Variants in SLC26A8 observed in about 807,000 individuals in gnomAD.
SLC26A8 encodes testis anion transporter 1.
A neutral mutation model predicts 105.0 loss-of-function variants in SLC26A8; 70 were observed. The observed-to-expected ratio is 0.67, with a 90% CI of 0.55 to 0.81. The LOEUF (loss-of-function observed/expected upper bound fraction) is 0.81, where lower values mean the gene tolerates loss of function less well. Ranked by LOEUF, SLC26A8 falls within the 40% of genes least tolerant of loss-of-function variation. The pLI, the probability that SLC26A8 is intolerant of heterozygous loss-of-function variation, is 0.00. For synonymous variants in SLC26A8, 415 were observed against 438.3 expected, an observed-to-expected ratio of 0.95 and a Z score of 0.66; for missense variants, 998 against 1,181.8, an observed-to-expected ratio of 0.84 and a Z score of 2.28.
intron 16 of SLC26A8, among the ~76,000 whole-genome samples, chr6:35,956,280 C>A (rs1772056582): frequency 1.3e-5 from 2 of 150,972 alleles, no homozygotes; most frequent in Non-Finnish European, 1.5e-5. Context: ...CCTGCCCCCT[C>A]CCCAAAAAAA....
At chr6:35,987,902 C>T (rs1030030080) in intron 7 of SLC26A8, among the ~76,000 whole-genome samples, 6 of 131,158 alleles carry the variant, frequency 4.6e-5, no homozygotes, top group African/African-American at 1.7e-4. Flanking sequence ...AATTCAGCAA[C>T]CTTTCTTTCT....
intron 3 of SLC26A8, among the ~76,000 whole-genome samples, chr6:36,006,846 A>G (rs920999759): frequency 9.2e-5 from 14 of 152,240 alleles, no homozygotes; most frequent in African/African-American, 3.4e-4. Context: ...CAAAAAAATC[A>G]ATTAATGTAA....
At chr6:35,976,394 AG>A (rs1235602634) in intron 9 of SLC26A8, among the ~76,000 whole-genome samples, 1 of 151,624 alleles carries the variant, frequency 6.6e-6, no homozygotes, top group Non-Finnish European at 1.5e-5. Context: ...ATTGCACTCC[AG>A]CATGGGTAAC....
chr6:35,962,579 G>T lies in SLC26A8; in HGVS notation c.1408C>A (p.Leu470Ile). Residue 470 changes from leucine (L) to isoleucine (I), a missense_variant, in exon 12 of 20, where the codon CTT (leucine) becomes ATT (isoleucine). Leu to Ile is a conservative substitution (Grantham distance 5, BLOSUM62 2). Transcript: ENST00000490799. ...CTGGGTAGGTTAGAAATGGTTTCAA[G>T]GTAGGGAATGACGTTGCTCAGAATA... ...GIILSNVIPY[L>I]ETISNLPSLW... 2 of 1,614,148 alleles carry T rather than the reference G, an allele frequency of 1.2e-6. No homozygotes were observed. The highest frequency in any genetic ancestry group is 1.7e-6 in the Non-Finnish European group (2 of 1,180,034).
chr6:35,948,134 A>G (rs1276307380), intron 19 of SLC26A8, among the ~76,000 whole-genome samples: 1 of 152,222 alleles, frequency 6.6e-6, no homozygotes, highest in Admixed American at 6.5e-5. Context: ...GATTATTTCA[A>G]TAAGATTTGT....
chr6:35,953,246 A>C (rs1186235646), intron 17 of SLC26A8, among the ~76,000 whole-genome samples: 1 of 152,194 alleles, frequency 6.6e-6, no homozygotes, highest in Non-Finnish European at 1.5e-5. Context: ...GAAAGTCATC[A>C]ACATGGGCCA....
rs563051962 is a variant in SLC26A8 at position 35,980,560 on chromosome 6, A to G, written c.1025+1561T>C. Among the ~76,000 whole-genome samples, 9 of 152,226 alleles carry G rather than the reference A, an allele frequency of 5.9e-5. No homozygotes were observed. The East Asian group carries it at 1.7e-3, about 29-fold the overall frequency. ...CTTGTTATTATTTTTTTTCCTGAGG[A>G]CAGAGATCGTGTCTTGCTTATCTTT... On this transcript the variant is annotated intron_variant, in intron 8 of 19. Coordinates refer to ENST00000490799, the MANE Select transcript of SLC26A8 (RefSeq NM_052961.4).
At chr6:35,995,480 A>G (rs1206332798) in intron 5 of SLC26A8, among the ~76,000 whole-genome samples, 1 of 152,150 alleles carries the variant, frequency 6.6e-6, no homozygotes, top group Non-Finnish European at 1.5e-5. Context: ...AAACTCTTAT[A>G]TGAATATTAT....
At chr6:35,993,188 G>T (rs1227301293) in intron 5 of SLC26A8, among the ~76,000 whole-genome samples, 1 of 100,610 alleles carries the variant, frequency 9.9e-6, no homozygotes, top group Non-Finnish European at 2.1e-5. Context: ...ATAGAGATTG[G>T]AGGGGGGGGT....
Position 35,951,480 on chromosome 6 carries a change from T to C in SLC26A8, c.2252A>G (p.Asn751Ser). Residue 751 changes from asparagine to serine, a missense_variant, in exon 18 of 20, where the codon AAC (asparagine) becomes AGC (serine). Transcript: ENST00000490799. Reference protein sequence around the residue: ...VLRQICNAFQNANILILIAGC... With the variant: ...VLRQICNAFQSANILILIAGC... ...TGCAATGAGTATCAAAATGTTGGCGTTTTGAAAGGCATTGCATATCTGTGG... is the reference window on the plus strand; with the variant it reads ...TGCAATGAGTATCAAAATGTTGGCGCTTTGAAAGGCATTGCATATCTGTGG... 3 of 1,614,092 alleles carry C rather than the reference T, an allele frequency of 1.9e-6. No individual in the cohort carries two copies. The highest frequency in any genetic ancestry group is 1.3e-5 in the African/African-American group (1 of 75,008).
intron 1 of SLC26A8, among the ~76,000 whole-genome samples, chr6:36,019,971 G>C (rs1482879704): frequency 6.6e-6 from 1 of 152,188 alleles, no homozygotes; most frequent in African/African-American, 2.4e-5. Flanking sequence ...CAGGTGTCCT[G>C]CTGGGAGGCC....
At chr6:35,945,936 C>A (rs777223138) in intron 19 of SLC26A8, among the ~76,000 whole-genome samples, 2 of 152,122 alleles carry the variant, frequency 1.3e-5, no homozygotes, top group Non-Finnish European at 2.9e-5. Context: ...ATATGACACT[C>A]TTCTGCTTTT....
intron 19 of SLC26A8, among the ~76,000 whole-genome samples, chr6:35,949,862 G>A: frequency 6.6e-6 from 1 of 151,678 alleles, no homozygotes; most frequent in Non-Finnish European, 1.5e-5. Context: ...CTGGAGTGCA[G>A]TGGCGCGATC....
intron 7 of SLC26A8, among the ~76,000 whole-genome samples, chr6:35,988,895 C>T (rs1172999986): frequency 7.1e-6 from 1 of 141,118 alleles, no homozygotes; most frequent in Non-Finnish European, 1.5e-5. Flanking sequence ...GGCTGGAGTA[C>T]AGTGGTGCAA....
At chr6:35,984,874 G>A (rs1340391996) in intron 7 of SLC26A8, among the ~76,000 whole-genome samples, 1 of 152,182 alleles carries the variant, frequency 6.6e-6, no homozygotes, top group East Asian at 1.9e-4. Context: ...GCAGGGGTCA[G>A]ACATACGTCA....
chr6:35,952,608 C>T (rs888784279), intron 17 of SLC26A8, among the ~76,000 whole-genome samples: 2 of 152,152 alleles, frequency 1.3e-5, no homozygotes, highest in South Asian at 2.1e-4. Flanking sequence ...TATGGCAAAT[C>T]ACAAAGTCAT....
At chr6:35,961,885 T>C (rs1462495797) in intron 12 of SLC26A8, among the ~76,000 whole-genome samples, 4 of 152,208 alleles carry the variant, frequency 2.6e-5, no homozygotes, top group Non-Finnish European at 4.4e-5. Context: ...CCTTCCCTTA[T>C]TGGGATTGGA....
intron 3 of SLC26A8, among the ~76,000 whole-genome samples, chr6:36,008,887 T>C (rs1031368571): frequency 6.6e-6 from 1 of 152,200 alleles, no homozygotes; most frequent in Non-Finnish European, 1.5e-5. Context: ...TTGGTGAGGA[T>C]ACAGAGCAAC....
chr6:35,973,838 T>A (rs554443467), intron 10 of SLC26A8, among the ~76,000 whole-genome samples: 1 of 152,232 alleles, frequency 6.6e-6, no homozygotes, highest in African/African-American at 2.4e-5. Context: ...CCTTTTACTA[T>A]GTTTCTGCAG....
Sources: gnomAD v4.1 joint callset for allele counts (sites outside exome capture counted in the v4.1 genomes callset) on GRCh38, gnomAD v4.1.1 for gene constraint, MANE v1.5 for transcripts, NCBI Gene and HGNC (gene_info 2026-07-23, HGNC 2026-07-21) for gene names.